The following DPP3 variants were observed in gnomAD, a reference collection of about 807,000 sequenced individuals.
The protein encoded by DPP3 is dipeptidyl peptidase 3, also known as DPP III.
Under a neutral mutation model 89.8 loss-of-function variants are expected in DPP3, and 64 were observed. The observed-to-expected ratio is 0.71, with a 90% CI of 0.58 to 0.88. DPP3 has a LOEUF of 0.88. Among genes scored for constraint, DPP3 ranks in the 40% least tolerant of loss-of-function variants. The pLI, the probability that DPP3 is intolerant of heterozygous loss-of-function variation, is 0.00. For missense variants in DPP3, 835 were observed against 972.5 expected (o/e 0.86, Z 1.88); for synonymous variants, 377 against 404.3 (o/e 0.93, Z 0.81).
chr11:66,485,385 C>T, intron 3 of DPP3, 123 bp downstream of exon 3: 2 of 937,372 alleles, frequency 2.1e-6, no homozygotes, highest in South Asian at 1.5e-5. Context: ...GACCCTGTCG[C>T]TTCCACCCTG....
intron 9 of DPP3, chr11:66,492,354 C>G (rs541646050): frequency 4.8e-6 from 1 of 206,742 alleles, no homozygotes; most frequent in African/African-American, 2.3e-5. Context: ...AGCCACTTCT[C>G]TGACTGCCCT....
chr11:66,487,207 C>T (rs374576058), intron 4 of DPP3, 61 bp from the exon 5 acceptor site: 37 of 1,536,114 alleles, frequency 2.4e-5, no homozygotes, highest in Non-Finnish European at 3.2e-5. Context: ...GGGAATATGA[C>T]GTCCCTGCAG....
At chr11:66,506,513 C>G (rs1855806698) in intron 17 of DPP3, among the ~76,000 whole-genome samples, 1 of 152,150 alleles carries the variant, frequency 6.6e-6, no homozygotes, top group Admixed American at 6.6e-5. Flanking sequence ...CCTCGGCCTC[C>G]CAAAGTGCTG....
chr11:66,501,856 A>G (rs1855684327), intron 16 of DPP3, among the ~76,000 whole-genome samples: 1 of 151,476 alleles, frequency 6.6e-6, no homozygotes, highest in Admixed American at 6.6e-5. Context: ...CAAGAACTTA[A>G]TATATGATTG....
In DPP3 at chr11:66,507,981, C is replaced by G. The variant is rs577129187; in HGVS notation, c.2042-1098C>G. ...TGTGAGCCACCACACCCAGCCAGGT[C>G]GCTGTAAAAGCTTTCTATGGCTTAA... On this transcript the variant is annotated intron_variant, in intron 17 of 17. Coordinates refer to ENST00000531863, the MANE Select transcript of DPP3 (RefSeq NM_130443.4). Among the ~76,000 whole-genome samples the G allele has an allele frequency of 2.6e-5, 4 of 152,204 alleles. No homozygotes were observed. The East Asian group carries it at 7.7e-4, about 29-fold the overall frequency.
At chr11:66,497,255 C>G (rs769787252) in intron 15 of DPP3, 43 bp from the exon 16 acceptor site, 1 of 1,593,950 alleles carries the variant, frequency 6.3e-7, no homozygotes, top group Admixed American at 1.7e-5. Flanking sequence ...GGACCAAGCA[C>G]TTGATACGGG....
intron 1 of DPP3, among the ~76,000 whole-genome samples, chr11:66,481,644 GTCAA>G (rs1487362327): frequency 6.6e-6 from 1 of 151,858 alleles, no homozygotes; most frequent in Non-Finnish European, 1.5e-5. Flanking sequence ...GGTAGTTAGA[GTCAA>G]TCAATTTTTT....
chr11:66,491,583 C>T lies in DPP3; in HGVS notation c.888C>T (p.Gly296=), dbSNP rs1022856625. 6 of 1,613,876 alleles carry T rather than the reference C, an allele frequency of 3.7e-6. No homozygotes were observed. ...GCTCCATCGAGGCCCACAAGAGGGG[C>T]TCCCGCTTCTGGATCCAGGACAAAG... ...TQGSIEAHKR[G]SRFWIQDKGP... The change falls in exon 8 of 18, where the codon GGC becomes GGT. Residue 296 remains glycine, a synonymous_variant. Coordinates refer to ENST00000531863, the MANE Select transcript of DPP3 (RefSeq NM_130443.4).
chr11:66,509,328 G>A lies in DPP3; in HGVS notation c.*77G>A. ...CCCTCCATTCGTGTGTGTATTTAGGGGCTGGGGAGGGGGAGGGGCAGGAGC... is the reference window on the plus strand; with the variant it reads ...CCCTCCATTCGTGTGTGTATTTAGGAGCTGGGGAGGGGGAGGGGCAGGAGC... On this transcript the variant is annotated 3_prime_UTR_variant, in exon 18 of 18. Transcript: ENST00000531863. 2 of 1,550,912 alleles carry A rather than the reference G, an allele frequency of 1.3e-6. No homozygotes were observed. The highest frequency in any genetic ancestry group is 1.4e-5 in the African/African-American group (1 of 73,296).
Position 66,504,772 on chromosome 11 carries a change from A to AAGGTAATG in DPP3, c.2041+10_2041+17dup. 2 of 1,609,374 alleles carry AAGGTAATG rather than the reference A, an allele frequency of 1.2e-6. No homozygotes were observed. Among genetic ancestry groups the AAGGTAATG allele is most frequent in the South Asian group, 1.1e-5 (1 of 90,606 alleles). ...ATTGTTCAGCCCAACACTCGCCTTGAAGGTAATGAGGTAATGAGGGAGCTC... is the reference window on the plus strand; with the variant it reads ...ATTGTTCAGCCCAACACTCGCCTTGAAGGTAATGAGGTAATGAGGTAATGAGGGAGCTC... On this transcript the variant is annotated frameshift_variant and splice_region_variant, in exon 17 of 18. Coordinates refer to ENST00000531863, the MANE Select transcript of DPP3 (RefSeq NM_130443.4). LOFTEE classifies it high-confidence loss of function.
intron 14 of DPP3, 24 bp downstream of exon 14, chr11:66,495,513 C>T (rs199602409): frequency 3.2e-5 from 52 of 1,608,492 alleles, no homozygotes; most frequent in South Asian, 8.8e-5. Flanking sequence ...GGCCGAGGGG[C>T]GGGCTGTCCC....
intron 5 of DPP3, 62 bp from the exon 6 acceptor site, chr11:66,487,852 T>C (rs559850068): frequency 1.3e-6 from 2 of 1,514,794 alleles, no homozygotes; most frequent in South Asian, 2.3e-5. Context: ...CCCATTTTCC[T>C]TCCTCCCACC....
At chr11:66,506,970 C>T (rs1302320400) in intron 17 of DPP3, among the ~76,000 whole-genome samples, 3 of 152,020 alleles carry the variant, frequency 2.0e-5, no homozygotes, top group African/African-American at 4.8e-5. Flanking sequence ...GGAGGAGCAG[C>T]ATACCCCAGT....
intron 9 of DPP3, 100 bp from the exon 10 acceptor site, chr11:66,492,616 C>A: frequency 7.4e-7 from 1 of 1,353,330 alleles, no homozygotes; most frequent in Non-Finnish European, 1.0e-6. Flanking sequence ...AGGGTGACTG[C>A]ATACAGTAGG....
chr11:66,493,136 C>T lies in DPP3; in HGVS notation c.1253C>T (p.Ala418Val), dbSNP rs1855440916. 1 of 1,614,122 alleles carries T rather than the reference C, an allele frequency of 6.2e-7. No individual in the cohort carries two copies. Among genetic ancestry groups the T allele is most frequent in the Non-Finnish European group, 8.5e-7 (1 of 1,180,046 alleles). Residue 418 changes from alanine (A) to valine (V), a missense_variant, in exon 11 of 18, where the codon GCC becomes GTC. Coordinates refer to ENST00000531863, the MANE Select transcript of DPP3 (RefSeq NM_130443.4). ...GGGAATGTGCTGGCTGTGGCCTACG[C>T]CACGCAGCGGGAGAAGCTTACCTTT... is the stretch of plus-strand genomic sequence containing the variant. ...SLGNVLAVAYATQREKLTFLE... is the reference protein window; with the variant it reads ...SLGNVLAVAYVTQREKLTFLE...
At chr11:66,509,036 A>G in intron 17 of DPP3, 43 bp from the exon 18 acceptor site, 1 of 1,606,122 alleles carries the variant, frequency 6.2e-7, no homozygotes, top group South Asian at 1.1e-5. Context: ...CAGTTTCCCT[A>G]TTCAGACCTT....
At position 66,480,460 on chromosome 11, in the gene DPP3, C is replaced by T. The variant is rs17147638; in HGVS notation, c.-14C>T. The T allele has an allele frequency of 2.6e-5, 38 of 1,489,896 alleles. No homozygotes were observed. The East Asian group carries it at 5.7e-4, about 22-fold the overall frequency. 92.3% of individuals were successfully genotyped at this position (1,489,896 alleles called of 1,614,324 possible). A position where few individuals can be genotyped will look rare whatever the true frequency, so the allele number is the denominator to read the frequency against. On this transcript the variant is annotated 5_prime_UTR_variant, in exon 1 of 18. Transcript: ENST00000531863. The stretch of plus-strand genomic sequence containing the variant: ...AGTGAGTTTGCGAACGGAGCAGCTG[C>T]TGCAGGTGAGGCGCGGCGCCTGGGC...
At chr11:66,495,954 A>C (rs889063878) in intron 15 of DPP3, among the ~76,000 whole-genome samples, 3 of 152,178 alleles carry the variant, frequency 2.0e-5, no homozygotes, top group Non-Finnish European at 4.4e-5. Flanking sequence ...CTCCCCGGCC[A>C]CCATTTCACG....
intron 5 of DPP3, 134 bp downstream of exon 5, chr11:66,487,476 C>A: frequency 1.1e-6 from 1 of 906,244 alleles, no homozygotes; most frequent in Non-Finnish European, 1.7e-6. Context: ...GACCCCTGCC[C>A]ACCCCAGGCT....
Sources: gnomAD v4.1 joint callset for allele counts (sites outside exome capture counted in the v4.1 genomes callset) on GRCh38, gnomAD v4.1.1 for gene constraint, MANE v1.5 for transcripts, NCBI Gene and HGNC (gene_info 2026-07-23, HGNC 2026-07-21) for gene names.